FGGY: variants seen among roughly 807,000 people sequenced by gnomAD.
FGGY encodes FGGY carbohydrate kinase domain-containing protein.
Under a neutral mutation model 71.3 loss-of-function variants are expected in FGGY, and 72 were observed. That is an observed-to-expected ratio of 1.01 (90% CI 0.84 to 1.23). The LOEUF (loss-of-function observed/expected upper bound fraction) is 1.23. Among genes scored for constraint, FGGY ranks in the 50% most tolerant of loss-of-function variants. The pLI is 0.00. For synonymous variants in FGGY, 251 were observed against 250.3 expected (o/e 1.00, Z -0.02); for missense variants, 668 against 682.3 (o/e 0.98, Z 0.23).
intron 14 of FGGY, among the ~76,000 whole-genome samples, chr1:59,686,358 C>T (rs1485284876): frequency 2.0e-5 from 3 of 152,126 alleles, no homozygotes; most frequent in African/African-American, 7.2e-5. Flanking sequence ...ACCCGTCAAT[C>T]GAGAAGGGCA....
chr1:59,396,401 T>G (rs955770332), intron 5 of FGGY, among the ~76,000 whole-genome samples: 6 of 151,720 alleles, frequency 4.0e-5, no homozygotes, highest in Non-Finnish European at 8.8e-5. Flanking sequence ...TTTCTTTTGA[T>G]TTTTTTTTCC....
At chr1:59,610,205 C>T (rs762802551) in intron 9 of FGGY, among the ~76,000 whole-genome samples, 8 of 152,168 alleles carry the variant, frequency 5.3e-5, no homozygotes, top group South Asian at 2.1e-4. Context: ...CATGCATTAG[C>T]AATGTGTCCT....
intron 7 of FGGY, among the ~76,000 whole-genome samples, chr1:59,551,127 G>A (rs892032723): frequency 6.6e-6 from 1 of 152,106 alleles, no homozygotes; most frequent in Non-Finnish European, 1.5e-5. Flanking sequence ...AGAGAGTGAT[G>A]GTAGTGATGA....
chr1:59,551,387 G>A (rs971373597), intron 7 of FGGY, among the ~76,000 whole-genome samples: 12 of 151,810 alleles, frequency 7.9e-5, no homozygotes, highest in African/African-American at 1.9e-4. Flanking sequence ...TTCCCTTTTC[G>A]TATTGACTGA....
chr1:59,745,791 G>A (rs1303317253), intron 14 of FGGY, among the ~76,000 whole-genome samples: 4 of 152,192 alleles, frequency 2.6e-5, no homozygotes, highest in Non-Finnish European at 5.9e-5. Flanking sequence ...GCCAGACAGG[G>A]CACATGAATT....
chr1:59,467,240 C>G (rs1460616063), intron 6 of FGGY, among the ~76,000 whole-genome samples: 1 of 152,056 alleles, frequency 6.6e-6, no homozygotes, highest in African/African-American at 2.4e-5. Context: ...TCTGAGCAAA[C>G]TATCACAAGG....
chr1:59,560,773 T>A (rs1265229862), intron 8 of FGGY, among the ~76,000 whole-genome samples: 1 of 152,042 alleles, frequency 6.6e-6, no homozygotes, highest in Non-Finnish European at 1.5e-5. Context: ...ACTACTATAG[T>A]TAATGCATGG....
intron 7 of FGGY, among the ~76,000 whole-genome samples, chr1:59,529,549 G>A (rs1463541058): frequency 1.3e-5 from 2 of 152,320 alleles, no homozygotes; most frequent in South Asian, 4.1e-4. Flanking sequence ...TGAGGTCGTG[G>A]AATGGTAAGC....
chr1:59,363,019 C>T (rs987906672), intron 4 of FGGY, among the ~76,000 whole-genome samples: 1 of 151,970 alleles, frequency 6.6e-6, no homozygotes, highest in Non-Finnish European at 1.5e-5. Context: ...ATAGTTCTTT[C>T]CTAAAAAAAG....
At chr1:59,317,317 G>T (rs2045625566) in intron 1 of FGGY, among the ~76,000 whole-genome samples, 1 of 152,180 alleles carries the variant, frequency 6.6e-6, no homozygotes, top group South Asian at 2.1e-4. Flanking sequence ...GATGCCATTT[G>T]CTGTTTGTGG....
intron 8 of FGGY, among the ~76,000 whole-genome samples, chr1:59,596,131 G>A (rs2096521018): frequency 6.6e-6 from 1 of 151,982 alleles, no homozygotes. Context: ...CCTTGCCTCT[G>A]TGTTACAAAC....
chr1:59,748,272 A>C (rs2098216466), intron 14 of FGGY, among the ~76,000 whole-genome samples: 1 of 152,130 alleles, frequency 6.6e-6, no homozygotes, highest in African/African-American at 2.4e-5. Context: ...AACAATTAAA[A>C]ATATAATTTC....
At chr1:59,445,975 G>A (rs1184583358) in intron 5 of FGGY, among the ~76,000 whole-genome samples, 1 of 152,144 alleles carries the variant, frequency 6.6e-6, no homozygotes, top group East Asian at 1.9e-4. Context: ...CTGAGCCTCA[G>A]TATTCTCTTC....
At chr1:59,582,803 A>G (rs1244689758) in intron 8 of FGGY, among the ~76,000 whole-genome samples, 1 of 150,316 alleles carries the variant, frequency 6.7e-6, no homozygotes, top group Non-Finnish European at 1.5e-5. Flanking sequence ...ACGGCCTCAT[A>G]AAGCTCCTCA....
chr1:59,341,488 A>G (rs1191671432), intron 3 of FGGY, among the ~76,000 whole-genome samples: 1 of 152,244 alleles, frequency 6.6e-6, no homozygotes. Context: ...GCACAGTGGT[A>G]ATGATGACCA....
chr1:59,370,025 T>C (rs2057320650), intron 4 of FGGY, among the ~76,000 whole-genome samples: 1 of 152,152 alleles, frequency 6.6e-6, no homozygotes, highest in South Asian at 2.1e-4. Context: ...CTCCAAAGGA[T>C]CGCAGTTCCT....
intron 8 of FGGY, among the ~76,000 whole-genome samples, chr1:59,595,228 A>G (rs9436595): frequency 2.0e-3 from 299 of 152,282 alleles, no homozygotes; most frequent in African/African-American, 7.0e-3. Context: ...AATTATAGAT[A>G]AGAATATGAA....
At chr1:59,576,571 A>G (rs1277978023) in intron 8 of FGGY, among the ~76,000 whole-genome samples, 1 of 152,098 alleles carries the variant, frequency 6.6e-6, no homozygotes, top group African/African-American at 2.4e-5. Context: ...GTAAAATAAT[A>G]AATAAGCATT....
chr1:59,445,620 C>G (rs372029500), intron 5 of FGGY, among the ~76,000 whole-genome samples: 1 of 152,206 alleles, frequency 6.6e-6, no homozygotes, highest in Non-Finnish European at 1.5e-5. Context: ...ACACATCTCC[C>G]GAACACCCTT....
Sources: gnomAD v4.1 joint callset for allele counts (sites outside exome capture counted in the v4.1 genomes callset) on GRCh38, gnomAD v4.1.1 for gene constraint, MANE v1.5 for transcripts, NCBI Gene and HGNC (gene_info 2026-07-23, HGNC 2026-07-21) for gene names.